Variants in POU4F2 observed in about 807,000 individuals in gnomAD.
POU4F2 encodes the protein POU domain, class 4, transcription factor 2.
POU4F2 carries 10 observed loss-of-function variants against 21.5 expected under a neutral mutation model. The observed-to-expected ratio is 0.46, with a 90% CI of 0.29 to 0.79. POU4F2 has a LOEUF of 0.79. Among genes scored for constraint, POU4F2 ranks in the 30% least tolerant of loss-of-function variants. POU4F2 has a pLI of 0.10. For synonymous variants in POU4F2, 324 were observed against 271.1 expected, an observed-to-expected ratio of 1.20 and a Z score of -1.92; for missense variants, 623 against 603.3, an observed-to-expected ratio of 1.03 and a Z score of -0.34.
Position 146,639,192 on chromosome 4 carries a change from G to C in POU4F2, c.52G>C (p.Gly18Arg), listed in dbSNP as rs766304844. The C allele has an allele frequency of 6.2e-6, 10 of 1,607,090 alleles. No individual in the cohort carries two copies. Among genetic ancestry groups the C allele is most frequent in the Admixed American group, 1.7e-5 (1 of 59,454 alleles). The change falls in exon 1 of 2, where the codon GGC (glycine) becomes CGC (arginine). Residue 18 changes from glycine (G) to arginine (R), a missense_variant. Coordinates refer to ENST00000281321, the MANE Select transcript of POU4F2 (RefSeq NM_004575.3). ...GCAGGCGTTTAGCATGCCGCACGGCGGCAGCCTGCACGTGGAGCCCAAGTA... is the reference window on the plus strand; with the variant it reads ...GCAGGCGTTTAGCATGCCGCACGGCCGCAGCCTGCACGTGGAGCCCAAGTA... ...SKQAFSMPHG[G>R]SLHVEPKYSA...
chr4:146,642,215 A>G lies in POU4F2; in HGVS notation c.*1407A>G, dbSNP rs1740900804. 1 of 152,588 alleles carries G rather than the reference A, an allele frequency of 6.6e-6. No homozygotes were observed. Among genetic ancestry groups the G allele is most frequent in the Non-Finnish European group, 1.5e-5 (1 of 68,048 alleles). The allele number at this position is 152,588 out of a possible 1,614,324, so 9.5% of individuals were successfully genotyped here. On this transcript the variant is annotated 3_prime_UTR_variant, in exon 2 of 2. Coordinates refer to ENST00000281321, the MANE Select transcript of POU4F2 (RefSeq NM_004575.3). ...CTTATCTACTGTAAATATTTCATTA[A>G]AAATGATGCACACATAGATATATTC... is the stretch of plus-strand genomic sequence containing the variant.
Position 146,641,146 on chromosome 4 carries a change from C to T in POU4F2, c.*338C>T. 4.6e-6 allele frequency: 1 copy of T among 215,814 alleles called. No individual in the cohort carries two copies. Among genetic ancestry groups the T allele is most frequent in the Non-Finnish European group, 9.0e-6 (1 of 111,120 alleles). The allele number at this position is 215,814 out of a possible 1,614,324, so 13.4% of individuals were successfully genotyped here. Reference sequence around the variant, plus strand: ...TGTTTAAAAAGTCCACAAGAATGATCAAGTAAGATTTGTTTTTATTCTTAC... The same window carrying T: ...TGTTTAAAAAGTCCACAAGAATGATTAAGTAAGATTTGTTTTTATTCTTAC... On this transcript the variant is annotated 3_prime_UTR_variant, in exon 2 of 2. Transcript: ENST00000281321.
At position 146,641,836 on chromosome 4, in the gene POU4F2, T is replaced by G. The variant is rs1243293870; in HGVS notation, c.*1028T>G. ...ATTCCCACATTGTCCCCATGACACA[T>G]GAGCGCTCTCACTTACCCTTACACA... On this transcript the variant is annotated 3_prime_UTR_variant, in exon 2 of 2. Transcript: ENST00000281321. The G allele has an allele frequency of 6.7e-6, 1 of 148,224 alleles. No individual in the cohort carries two copies. The highest frequency in any genetic ancestry group is 2.5e-5 in the African/African-American group (1 of 39,676). The allele number at this position is 148,224 out of a possible 1,614,324, so 9.2% of individuals were successfully genotyped here. A position where few individuals can be genotyped will look rare whatever the true frequency, so the allele number is the denominator to read the frequency against.
rs893681782 is a variant in POU4F2 at position 146,641,044 on chromosome 4, T to C, written c.*236T>C. On this transcript the variant is annotated 3_prime_UTR_variant, in exon 2 of 2. Transcript: ENST00000281321. ...ATGGTATTTGTCTGTTGTAGCAAAG[T>C]TGTCCCTTTGAACCCCACCTCGGCT... The C allele has an allele frequency of 8.7e-6, 4 of 457,570 alleles. No individual in the cohort carries two copies. In the Admixed American group the frequency reaches 1.2e-4, roughly 14 times the overall value. The allele number at this position is 457,570 out of a possible 1,614,324, so 28.3% of individuals were successfully genotyped here.
At position 146,639,912 on chromosome 4, in the gene POU4F2, G is replaced by A; in HGVS notation, c.334G>A (p.Glu112Lys). Residue 112 changes from glutamate to lysine, a missense_variant, in exon 2 of 2, where the codon GAG (glutamate) becomes AAG (lysine). This residue lies in a region of POU4F2 where 523 missense variants were observed against 504.1 expected (regional missense o/e 1.04). Coordinates refer to ENST00000281321, the MANE Select transcript of POU4F2 (RefSeq NM_004575.3). ...GLDESLLARA[E>K]ALAAVDIVSQ... ...GGATGAGAGTCTGCTGGCCCGCGCC[G>A]AGGCTCTGGCAGCCGTGGACATCGT... 3 of 1,577,882 alleles carry A rather than the reference G, an allele frequency of 1.9e-6. No individual in the cohort carries two copies. The highest frequency in any genetic ancestry group is 2.6e-6 in the Non-Finnish European group (3 of 1,160,372).
In POU4F2 at chr4:146,639,406, G is replaced by A. The variant is rs771228190; in HGVS notation, c.266G>A (p.Arg89Lys). The A allele has an allele frequency of 6.8e-7, 1 of 1,467,012 alleles. No homozygotes were observed. The highest frequency in any genetic ancestry group is 2.6e-5 in the East Asian group (1 of 37,756). 90.9% of individuals were successfully genotyped at this position (1,467,012 alleles called of 1,614,324 possible). ...GGCGGGGGCTCGGAGGCTATGCGGA[G>A]AGCCTGTCTTCCAACCCCACCGGTG... Reference protein sequence around the residue: ...SGGGGSEAMRRACLPTPPSNI... With the variant: ...SGGGGSEAMRKACLPTPPSNI... Residue 89 changes from arginine to lysine, a missense_variant, in exon 1 of 2, where the codon AGA (arginine) becomes AAA (lysine). By Grantham distance (26) the Arg-to-Lys change is conservative. This residue lies in a region of POU4F2 where 523 missense variants were observed against 504.1 expected (regional missense o/e 1.04). Coordinates refer to ENST00000281321, the MANE Select transcript of POU4F2 (RefSeq NM_004575.3).
rs775478910 is a variant in POU4F2, at chr4:146,639,421, C to A, written c.281C>A (p.Thr94Asn). The A allele has an allele frequency of 2.7e-6, 4 of 1,463,154 alleles. No individual in the cohort carries two copies. Among genetic ancestry groups the A allele is most frequent in the African/African-American group, 3.0e-5 (2 of 67,486 alleles). The allele number at this position is 1,463,154 out of a possible 1,614,324, so 90.6% of individuals were successfully genotyped here. ...GCTATGCGGAGAGCCTGTCTTCCAA[C>A]CCCACCGGTGCGTATTTCTGCATAA... ...SEAMRRACLP[T>N]PPSNIFGGLD... The change falls in exon 1 of 2, where the codon ACC (threonine) becomes AAC (asparagine). Residue 94 changes from threonine (T) to asparagine (N), a missense_variant. Transcript: ENST00000281321.
chr4:146,641,112 A>C lies in POU4F2; in HGVS notation c.*304A>C, dbSNP rs1307090560. 3 of 282,376 alleles carry C rather than the reference A, an allele frequency of 1.1e-5. No individual in the cohort carries two copies. Among genetic ancestry groups the C allele is most frequent in the Non-Finnish European group, 1.3e-5 (2 of 153,720 alleles). The allele number at this position is 282,376 out of a possible 1,614,324, so 17.5% of individuals were successfully genotyped here. On this transcript the variant is annotated 3_prime_UTR_variant, in exon 2 of 2. Transcript: ENST00000281321. ...GAGATGGCTGTTTGCAGGAAGGCAG[A>C]CGAGACAGTGTTTAAAAAGTCCACA...
In POU4F2 at chr4:146,640,037, C is replaced by A; in HGVS notation, c.459C>A (p.Ala153=). 1 of 1,610,164 alleles carries A rather than the reference C, an allele frequency of 6.2e-7. No homozygotes were observed. ...HTMNTIPCTS[A]ASSSSVPISH... ...TGAATACCATCCCGTGCACGTCGGC[C>A]GCCTCTTCTTCATCGGTGCCCATCT... The change falls in exon 2 of 2, where the codon GCC becomes GCA. Residue 153 remains alanine, a synonymous_variant. Transcript: ENST00000281321. The surrounding 1 kb of genome is among the most constrained non-coding windows in gnomAD (Gnocchi z 4.8).
chr4:146,639,344 C>T lies in POU4F2; in HGVS notation c.204C>T (p.Gly68=), dbSNP rs770225812. 1.5e-6 allele frequency: 2 copies of T among 1,298,262 alleles called. No homozygotes were observed. The highest frequency in any genetic ancestry group is 2.1e-6 in the Non-Finnish European group (2 of 951,572). The allele number at this position is 1,298,262 out of a possible 1,614,324, so 80.4% of individuals were successfully genotyped here. ...GGGGGGGGGG[G]RSSSSSSSGS... is the part of the protein sequence containing the mutation. The stretch of plus-strand genomic sequence containing the variant: ...GCGGCGGCGGCGGCGGCGGCGGAGG[C>T]CGAAGCAGCAGCTCCAGCAGCAGTG... Residue 68 remains glycine (G), a synonymous_variant, in exon 1 of 2, where the codon GGC becomes GGT. Coordinates refer to ENST00000281321, the MANE Select transcript of POU4F2 (RefSeq NM_004575.3).
rs775088221 is a variant in POU4F2, at chr4:146,639,238, C to T, written c.98C>T (p.Ser33Leu). Residue 33 changes from serine to leucine, a missense_variant, in exon 1 of 2, where the codon TCG becomes TTG. This residue lies in a region of POU4F2 where 94 missense variants were observed against 74.1 expected (regional missense o/e 1.27). Coordinates refer to ENST00000281321, the MANE Select transcript of POU4F2 (RefSeq NM_004575.3). ...AAGTACTCGGCACTGCACAGCACCT[C>T]GCCGGGCTCCTCGGCTCCCATCGCG... ...EPKYSALHST[S>L]PGSSAPIAPS... 1.3e-6 allele frequency: 2 copies of T among 1,591,356 alleles called. No homozygotes were observed. Among genetic ancestry groups the T allele is most frequent in the South Asian group, 1.1e-5 (1 of 88,266 alleles).
In POU4F2 at chr4:146,640,788, A is replaced by G; in HGVS notation, c.1210A>G (p.Lys404Glu). The G allele has an allele frequency of 6.2e-7, 1 of 1,607,432 alleles. No homozygotes were observed. The highest frequency in any genetic ancestry group is 8.5e-7 in the Non-Finnish European group (1 of 1,177,284). The change falls in exon 2 of 2, where the codon AAA (lysine) becomes GAA (glutamate). Residue 404 changes from lysine to glutamate, a missense_variant. By Grantham distance (56) the Lys-to-Glu change is moderately conservative. Coordinates refer to ENST00000281321, the MANE Select transcript of POU4F2 (RefSeq NM_004575.3). This position sits in a 1 kb window ranked among gnomAD's most constrained non-coding sequence, Gnocchi z 4.8. The stretch of plus-strand genomic sequence containing the variant: ...CCAGAGGCAGAAACAGAAAAGAATG[A>G]AATATTCCGCCGGCATTTAGAAGAC... Reference protein sequence around the residue: ...CNQRQKQKRMKYSAGI With the variant: ...CNQRQKQKRMEYSAGI
intron 1 of POU4F2, 146 bp downstream of exon 1, chr4:146,639,574 C>A: frequency 1.6e-6 from 2 of 1,285,454 alleles, no homozygotes; most frequent in Non-Finnish European, 2.1e-6. Context: ...TTCAGCAGGT[C>A]TTGCCTTTCA....
At position 146,639,276 on chromosome 4, in the gene POU4F2, T is replaced by C; in HGVS notation, c.136T>C (p.Ser46Pro). ...SSAPIAPSAS[S>P]PSSSSNAGGG... ...GGCTCCCATCGCGCCCTCGGCCAGC[T>C]CCCCCAGCAGCTCGAGCAACGCTGG... The change falls in exon 1 of 2, where the codon TCC (serine) becomes CCC (proline). Residue 46 changes from serine to proline, a missense_variant. This residue lies in a region of POU4F2 where 94 missense variants were observed against 74.1 expected (regional missense o/e 1.27). Coordinates refer to ENST00000281321, the MANE Select transcript of POU4F2 (RefSeq NM_004575.3). 1 of 1,556,476 alleles carries C rather than the reference T, an allele frequency of 6.4e-7. No homozygotes were observed. Among genetic ancestry groups the C allele is most frequent in the East Asian group, 2.6e-5 (1 of 39,102 alleles).
At chr4:146,639,578 C>T (rs1740829096) in intron 1 of POU4F2, 150 bp downstream of exon 1, 3 of 1,268,388 alleles carry the variant, frequency 2.4e-6, no homozygotes, top group Non-Finnish European at 3.1e-6. Context: ...GCAGGTCTTG[C>T]CTTTCATATT....
chr4:146,639,857 A>C lies in POU4F2; in HGVS notation c.289-10A>C. The C allele has an allele frequency of 6.6e-7, 1 of 1,524,226 alleles. No homozygotes were observed. The highest frequency in any genetic ancestry group is 2.3e-5 in the East Asian group (1 of 43,742). 94.4% of individuals were successfully genotyped at this position (1,524,226 alleles called of 1,614,324 possible). On this transcript the variant is annotated splice_polypyrimidine_tract_variant and intron_variant, in intron 1 of 1. Coordinates refer to ENST00000281321, the MANE Select transcript of POU4F2 (RefSeq NM_004575.3). ...TGAGCGTAATGTGTGCCTTCTACTT[A>C]CAATTGCAGAGCAATATATTCGGCG... is the stretch of plus-strand genomic sequence containing the variant.
Position 146,639,134 on chromosome 4 carries a change from C to T in POU4F2, c.-7C>T, listed in dbSNP as rs1334020922. ...CTCTACGGACCAGCGCCCCGGCGGG[C>T]GGGAAGATGATGATGATGTCCCTGA... On this transcript the variant is annotated 5_prime_UTR_variant, in exon 1 of 2. Coordinates refer to ENST00000281321, the MANE Select transcript of POU4F2 (RefSeq NM_004575.3). 1 of 1,601,460 alleles carries T rather than the reference C, an allele frequency of 6.2e-7. No homozygotes were observed. Among genetic ancestry groups the T allele is most frequent in the Non-Finnish European group, 8.5e-7 (1 of 1,175,050 alleles).
rs777475559 is a variant in POU4F2 at position 146,639,404 on chromosome 4, G to A, written c.264G>A (p.Arg88=). 1.1e-5 allele frequency: 16 copies of A among 1,467,486 alleles called. No homozygotes were observed. In the East Asian group the frequency reaches 4.0e-4, roughly 36 times the overall value. 90.9% of individuals were successfully genotyped at this position (1,467,486 alleles called of 1,614,324 possible). A position where few individuals can be genotyped will look rare whatever the true frequency, so the allele number is the denominator to read the frequency against. Reference sequence around the variant, plus strand: ...GCGGCGGGGGCTCGGAGGCTATGCGGAGAGCCTGTCTTCCAACCCCACCGG... The same window carrying A: ...GCGGCGGGGGCTCGGAGGCTATGCGAAGAGCCTGTCTTCCAACCCCACCGG... The part of the protein sequence containing the change: ...SSGGGGSEAM[R]RACLPTPPSN... Residue 88 remains arginine (R), a synonymous_variant, in exon 1 of 2, where the codon CGG becomes CGA. Coordinates refer to ENST00000281321, the MANE Select transcript of POU4F2 (RefSeq NM_004575.3).
At position 146,639,936 on chromosome 4, in the gene POU4F2, G is replaced by A. The variant is rs760611375; in HGVS notation, c.358G>A (p.Val120Ile). The change falls in exon 2 of 2, where the codon GTC becomes ATC. Residue 120 changes from valine to isoleucine, a missense_variant. By Grantham distance (29) the Val-to-Ile change is conservative (BLOSUM62 3). Transcript: ENST00000281321. ...CGAGGCTCTGGCAGCCGTGGACATC[G>A]TCTCCCAGAGCAAGAGCCACCACCA... ...RAEALAAVDI[V>I]SQSKSHHHHP... The A allele has an allele frequency of 3.8e-6, 6 of 1,599,864 alleles. No individual in the cohort carries two copies. The highest frequency in any genetic ancestry group is 2.2e-5 in the East Asian group (1 of 44,694).
Sources: gnomAD v4.1 joint callset for allele counts on GRCh38, gnomAD v4.1.1 for gene constraint, gnomAD v4.1.1 regional missense constraint, Gnocchi (gnomAD v3.1) non-coding constraint, MANE v1.5 for transcripts, NCBI Gene and HGNC (gene_info 2026-07-23, HGNC 2026-07-21) for gene names.